The following MAST1 variants were observed in gnomAD, a reference collection of about 807,000 sequenced individuals.
MAST1 encodes microtubule associated serine/threonine kinase 1.
In MAST1, 40 loss-of-function variants were observed where a neutral mutation model predicts 124.6. The ratio of observed to expected loss-of-function variants is 0.32; its 90% CI spans 0.25 to 0.42. The LOEUF (loss-of-function observed/expected upper bound fraction) is 0.42. Among genes scored for constraint, MAST1 ranks in the 10% least tolerant of loss-of-function variants. MAST1 has a pLI of 1.00. For synonymous variants in MAST1, 938 were observed against 939.4 expected, an observed-to-expected ratio of 1.00 and a Z score of 0.03; for missense variants, 1,558 against 2,181.9, an observed-to-expected ratio of 0.71 and a Z score of 5.70.
At chr19:12,864,749 G>A in intron 12 of MAST1, 60 bp from the exon 13 acceptor site, 1 of 1,602,646 alleles carries the variant, frequency 6.2e-7, no homozygotes, top group Non-Finnish European at 8.5e-7. Context: ...TGGTGCTATG[G>A]TGCATGTCCA....
intron 18 of MAST1, among the ~76,000 whole-genome samples, chr19:12,867,001 G>A (rs914552325): frequency 5.9e-5 from 9 of 151,630 alleles, no homozygotes; most frequent in African/African-American, 1.2e-4. Flanking sequence ...TGAGGCCATG[G>A]TGGGGCGGGG....
In MAST1 at chr19:12,864,878, C is replaced by T; in HGVS notation, c.1436C>T (p.Ala479Val). The T allele has an allele frequency of 6.2e-7, 1 of 1,614,108 alleles. No individual in the cohort carries two copies. The highest frequency in any genetic ancestry group is 8.5e-7 in the Non-Finnish European group (1 of 1,180,034). ...GTAGAGATGGCCCGCATGTACTTTG[C>T]TGAGACGGTGCTAGCCCTGGAGTAT... ...LPVEMARMYFAETVLALEYLH... is the reference protein window; with the variant it reads ...LPVEMARMYFVETVLALEYLH... Residue 479 changes from alanine (A) to valine (V), a missense_variant, in exon 13 of 26, where the codon GCT becomes GTT. Physicochemically the swap from Ala to Val is moderately conservative, Grantham distance 64. Coordinates refer to ENST00000251472, the MANE Select transcript of MAST1 (RefSeq NM_014975.3).
chr19:12,865,159 G>C lies in MAST1; in HGVS notation c.1619G>C (p.Arg540Pro). The C allele has an allele frequency of 6.2e-7, 1 of 1,614,018 alleles. No individual in the cohort carries two copies. Among genetic ancestry groups the C allele is most frequent in the Non-Finnish European group, 8.5e-7 (1 of 1,179,994 alleles). Residue 540 changes from arginine (R) to proline (P), a missense_variant, in exon 14 of 26, where the codon CGA (arginine) becomes CCA (proline). Transcript: ENST00000251472. This position sits in a 1 kb window ranked among gnomAD's most constrained non-coding sequence, Gnocchi z 7.1. ...GAAGGCCACATCGAGAAGGACGCCC[G>C]AGAGTTCCTGGACAAACAGGTGTGT... The part of the protein sequence containing the change: ...LYEGHIEKDA[R>P]EFLDKQVCGT...
intron 20 of MAST1, 171 bp from the exon 21 acceptor site, chr19:12,868,472 T>A (rs1281091740): frequency 1.7e-6 from 1 of 594,352 alleles, no homozygotes; most frequent in Non-Finnish European, 2.9e-6. Context: ...TACAGACCGA[T>A]ACAGACTATG....
chr19:12,872,521 T>C (rs1439821589), intron 24 of MAST1, among the ~76,000 whole-genome samples: 1 of 151,862 alleles, frequency 6.6e-6, no homozygotes, highest in African/African-American at 2.4e-5. Context: ...CAAGCAGCAC[T>C]GAGTTAAGGG....
chr19:12,864,665 TGGAG>T, intron 12 of MAST1, 140 bp from the exon 13 acceptor site: 1 of 1,047,528 alleles, frequency 9.5e-7, no homozygotes. Context: ...GTAGAGGACC[TGGAG>T]GGAGGGAGGC....
In MAST1 at chr19:12,862,689, G is replaced by A. The variant is rs529776059; in HGVS notation, c.1367-2120G>A. On this transcript the variant is annotated intron_variant, in intron 12 of 25. Transcript: ENST00000251472. The stretch of plus-strand genomic sequence containing the variant: ...TTTTTTTTTTTTGAGACAGAGTTTC[G>A]CTCTGGCTAAACTCGTTGCCCAGGC... Among the ~76,000 whole-genome samples the A allele has an allele frequency of 4.6e-3, 638 of 138,588 alleles. 5 individuals carry two copies. Among genetic ancestry groups the A allele is most frequent in the African/African-American group, 0.016 (602 of 36,930 alleles). 90.9% of individuals were successfully genotyped at this position (138,588 alleles called of 152,430 possible).
chr19:12,869,253 C>T lies in MAST1; in HGVS notation c.2961C>T (p.Tyr987=). The change falls in exon 22 of 26, where the codon TAC becomes TAT. Residue 987 remains tyrosine, a synonymous_variant. Transcript: ENST00000251472. The part of the protein sequence containing the change: ...YGFTLRAIRV[Y]MGDTDVYSVH... ...TCACACTGCGTGCCATCCGTGTCTA[C>T]ATGGGTGACACGGATGTCTATAGTG... 1 of 1,614,146 alleles carries T rather than the reference C, an allele frequency of 6.2e-7. No individual in the cohort carries two copies. The highest frequency in any genetic ancestry group is 1.1e-5 in the South Asian group (1 of 91,080).
intron 7 of MAST1, 66 bp from the exon 8 acceptor site, chr19:12,851,868 C>A: frequency 8.1e-7 from 1 of 1,235,338 alleles, no homozygotes; most frequent in Non-Finnish European, 1.2e-6. Context: ...CTCTGAGGGG[C>A]TGAGAGAGGG....
rs779152408 is a variant in MAST1, at chr19:12,874,649, C to A, written c.4492C>A (p.Pro1498Thr). The change falls in exon 26 of 26, where the codon CCC becomes ACC. Residue 1498 changes from proline to threonine, a missense_variant. Pro to Thr is a conservative substitution (Grantham distance 38, BLOSUM62 -1). This residue lies in a region of MAST1 where 168 missense variants were observed against 154.3 expected (regional missense o/e 1.09). Coordinates refer to ENST00000251472, the MANE Select transcript of MAST1 (RefSeq NM_014975.3). The surrounding 1 kb of genome is among the most constrained non-coding windows in gnomAD (Gnocchi z 6.6). ...CACGCTGAGCGGTCCTCGCTCCAAG[C>A]CCGCCTCCCCAAAGCTCTCCCCGGA... is the stretch of plus-strand genomic sequence containing the variant. The part of the protein sequence containing the change: ...RTTLSGPRSK[P>T]ASPKLSPEPQ... The A allele has an allele frequency of 1.3e-6, 2 of 1,528,490 alleles. No homozygotes were observed. The highest frequency in any genetic ancestry group is 2.3e-5 in the East Asian group (1 of 43,714). The allele number at this position is 1,528,490 out of a possible 1,614,324, so 94.7% of individuals were successfully genotyped here.
intron 10 of MAST1, among the ~76,000 whole-genome samples, chr19:12,857,775 C>T (rs1307782945): frequency 6.6e-6 from 1 of 152,126 alleles, no homozygotes; most frequent in East Asian, 1.9e-4. Context: ...TGCCTGTAGT[C>T]CCTACTCTTT....
Position 12,847,527 on chromosome 19 carries a change from G to A in MAST1, c.488+77G>A, listed in dbSNP as rs1171114433. 3 of 1,610,498 alleles carry A rather than the reference G, an allele frequency of 1.9e-6. No homozygotes were observed. The highest frequency in any genetic ancestry group is 1.3e-5 in the African/African-American group (1 of 74,854). On this transcript the variant is annotated intron_variant, in intron 5 of 25. Coordinates refer to ENST00000251472, the MANE Select transcript of MAST1 (RefSeq NM_014975.3). The surrounding 1 kb of genome is among the most constrained non-coding windows in gnomAD (Gnocchi z 5.5). Reference sequence around the variant, plus strand: ...TGCTTAGAGAGACCCCTGTCCCCGCGAATAAAAGGGTTACATCTTGGGGCG... The same window carrying A: ...TGCTTAGAGAGACCCCTGTCCCCGCAAATAAAAGGGTTACATCTTGGGGCG...
chr19:12,872,896 A>T (rs1431716086), intron 24 of MAST1, among the ~76,000 whole-genome samples: 3 of 150,762 alleles, frequency 2.0e-5, no homozygotes, highest in Non-Finnish European at 4.4e-5. Flanking sequence ...CAAGAGCGAA[A>T]CTTCGTCTCA....
chr19:12,851,901 A>G, intron 7 of MAST1, 33 bp from the exon 8 acceptor site: 2 of 1,554,178 alleles, frequency 1.3e-6, no homozygotes, highest in Non-Finnish European at 1.8e-6. Flanking sequence ...CAGAGTGCCT[A>G]TGAGCCCTGT....
Position 12,840,471 on chromosome 19 carries a change from C to T in MAST1, c.109C>T (p.Leu37Phe). 1 of 1,613,960 alleles carries T rather than the reference C, an allele frequency of 6.2e-7. No homozygotes were observed. The highest frequency in any genetic ancestry group is 8.5e-7 in the Non-Finnish European group (1 of 1,179,894). ...CTGCCGCACCAGTAATCGGAAAAGC[C>T]TCATCCTGACCAGCACTTCACCCAC... Reference protein sequence around the residue: ...KSCRTSNRKSLILTSTSPTLP... With the variant: ...KSCRTSNRKSFILTSTSPTLP... The change falls in exon 2 of 26, where the codon CTC (leucine) becomes TTC (phenylalanine). Residue 37 changes from leucine (L) to phenylalanine (F), a missense_variant. Leu to Phe is a conservative substitution (Grantham distance 22). This residue lies in a region of MAST1 where 42 missense variants were observed against 54.6 expected (regional missense o/e 0.77). Transcript: ENST00000251472.
Position 12,851,788 on chromosome 19 carries a change from A to G in MAST1, c.775-146A>G, listed in dbSNP as rs549332053. On this transcript the variant is annotated intron_variant, in intron 7 of 25. Transcript: ENST00000251472. The stretch of plus-strand genomic sequence containing the variant: ...GGCATGAGCCACCGTGCCCAGCCTC[A>G]TTATTTTTACTGTGTGGCTTGGGCT... 2.7e-4 allele frequency: 176 copies of G among 641,588 alleles called. No homozygotes were observed. In the African/African-American group the frequency reaches 3.0e-3, roughly 11 times the overall value. The allele number at this position is 641,588 out of a possible 1,614,324, so 39.7% of individuals were successfully genotyped here.
In MAST1 at chr19:12,874,018, C is replaced by T. The variant is rs1233912523; in HGVS notation, c.3861C>T (p.Leu1287=). The T allele has an allele frequency of 6.8e-6, 11 of 1,605,920 alleles. No homozygotes were observed. Among genetic ancestry groups the T allele is most frequent in the Non-Finnish European group, 9.3e-6 (11 of 1,179,092 alleles). The change falls in exon 26 of 26, where the codon CTC becomes CTT. Residue 1287 remains leucine (L), a synonymous_variant. Coordinates refer to ENST00000251472, the MANE Select transcript of MAST1 (RefSeq NM_014975.3). The surrounding 1 kb of genome is among the most constrained non-coding windows in gnomAD (Gnocchi z 6.6). ...DKKGALRKHS[L]EVGHPDFRKD... The stretch of plus-strand genomic sequence containing the variant: ...AGGGCGCGCTGCGCAAACACAGCCT[C>T]GAGGTGGGCCACCCGGATTTCCGCA...
intron 10 of MAST1, among the ~76,000 whole-genome samples, chr19:12,854,685 G>C (rs1219374650): frequency 6.6e-6 from 1 of 152,148 alleles, no homozygotes; most frequent in Non-Finnish European, 1.5e-5. Flanking sequence ...CAACTGCTTT[G>C]AGTTATTTAG....
At chr19:12,840,643 C>A (rs552690378) in intron 2 of MAST1, 109 bp downstream of exon 2, 2 of 810,644 alleles carry the variant, frequency 2.5e-6, no homozygotes, top group African/African-American at 1.7e-5. Context: ...TGAATGGAGG[C>A]GAACCAGTTT....
Sources: allele counts gnomAD v4.1 joint callset (sites outside exome capture counted in the v4.1 genomes callset), GRCh38; gene constraint gnomAD v4.1.1; regional missense constraint gnomAD v4.1.1; non-coding constraint Gnocchi (gnomAD v3.1); transcripts MANE v1.5; gene names NCBI Gene and HGNC (gene_info 2026-07-23, HGNC 2026-07-21).